PCDHB7: variants seen among roughly 807,000 people sequenced by gnomAD.
The protein encoded by PCDHB7 is protocadherin beta 7.
For synonymous variants in PCDHB7, 542 were observed against 463.1 expected (o/e 1.17, Z -2.19); for missense variants, 1,148 against 1,011.6 (o/e 1.13, Z -1.83).
At position 141,174,281 on chromosome 5, in the gene PCDHB7, C is replaced by T. The variant is rs1405990472; in HGVS notation, c.1446C>T (p.Thr482=). The stretch of plus-strand genomic sequence containing the variant: ...GCGCCACAGACAGAGACTCGGGCAC[C>T]AACGCCCAGGTCATCTACTCCCTGC... ...SVSATDRDSG[T]NAQVIYSLLP... Residue 482 remains threonine, a synonymous_variant, in exon 1 of 1, where the codon ACC becomes ACT. Transcript: ENST00000231137. The T allele has an allele frequency of 1.2e-6, 2 of 1,612,542 alleles. No homozygotes were observed. Among genetic ancestry groups the T allele is most frequent in the South Asian group, 1.1e-5 (1 of 91,010 alleles).
rs1237184811 is a variant in PCDHB7, at chr5:141,174,044, G to A, written c.1209G>A (p.Leu403=). Residue 403 remains leucine, a synonymous_variant, in exon 1 of 1, where the codon CTG becomes CTA. Transcript: ENST00000231137. ...LKPSVENFYT[L]VTEKPLDRER... is the part of the protein sequence containing the mutation. ...CATCTGTCGAAAACTTCTATACTCT[G>A]GTAACAGAGAAACCTTTGGATCGAG... 1.9e-6 allele frequency: 3 copies of A among 1,613,880 alleles called. No homozygotes were observed. Among genetic ancestry groups the A allele is most frequent in the Non-Finnish European group, 2.5e-6 (3 of 1,179,920 alleles).
Position 141,173,945 on chromosome 5 carries a change from T to C in PCDHB7, c.1110T>C (p.Ile370=). 1 of 1,613,584 alleles carries C rather than the reference T, an allele frequency of 6.2e-7. No individual in the cohort carries two copies. Among genetic ancestry groups the C allele is most frequent in the Non-Finnish European group, 8.5e-7 (1 of 1,179,612 alleles). ...AGACAGTCGTGGCTGTTTTTAGGAT[T>C]AGAGACAGAGATTCCGGGAACAATG... is the stretch of plus-strand genomic sequence containing the variant. ...SPETVVAVFR[I]RDRDSGNNGK... The change falls in exon 1 of 1, where the codon ATT becomes ATC. Residue 370 remains isoleucine (I), a synonymous_variant. Transcript: ENST00000231137.
In PCDHB7 at chr5:141,174,343, T is replaced by C; in HGVS notation, c.1508T>C (p.Leu503Pro). 2 of 1,612,916 alleles carry C rather than the reference T, an allele frequency of 1.2e-6. No homozygotes were observed. The highest frequency in any genetic ancestry group is 1.7e-6 in the Non-Finnish European group (2 of 1,179,894). ...SQDPHLPLASLVSINADNGHL... is the reference protein window; with the variant it reads ...SQDPHLPLASPVSINADNGHL... ...GACCCGCACCTGCCCCTCGCCTCCC[T>C]GGTCTCCATCAACGCGGACAACGGC... Residue 503 changes from leucine (L) to proline (P), a missense_variant, in exon 1 of 1, where the codon CTG (leucine) becomes CCG (proline). By Grantham distance (98) the Leu-to-Pro change is moderately conservative. Transcript: ENST00000231137.
rs1563917914 is a variant in PCDHB7, at chr5:141,174,490, T to A, written c.1655T>A (p.Leu552Gln). 2 of 1,611,222 alleles carry A rather than the reference T, an allele frequency of 1.2e-6. No homozygotes were observed. The highest frequency in any genetic ancestry group is 2.2e-5 in the South Asian group (2 of 90,960). ...SSEALVRVLV[L>Q]DANDNSPFVL... ...GAGGCGCTGGTGCGCGTGCTGGTGC[T>A]GGACGCCAACGACAACTCGCCCTTC... The change falls in exon 1 of 1, where the codon CTG (leucine) becomes CAG (glutamine). Residue 552 changes from leucine to glutamine, a missense_variant. Physicochemically the swap from Leu to Gln is moderately radical, Grantham distance 113. Transcript: ENST00000231137.
rs17844455 is a variant in PCDHB7 at position 141,174,336 on chromosome 5, G to T, written c.1501G>T (p.Ala501Ser). Residue 501 changes from alanine (A) to serine (S), a missense_variant, in exon 1 of 1, where the codon GCC (alanine) becomes TCC (serine). By Grantham distance (99) the Ala-to-Ser change is moderately conservative. Coordinates refer to ENST00000231137, the MANE Select transcript of PCDHB7 (RefSeq NM_018940.4). Reference protein sequence around the residue: ...LPSQDPHLPLASLVSINADNG... With the variant: ...LPSQDPHLPLSSLVSINADNG... ...GTCCCAGGACCCGCACCTGCCCCTC[G>T]CCTCCCTGGTCTCCATCAACGCGGA... is the stretch of plus-strand genomic sequence containing the variant. 6.2e-6 allele frequency: 10 copies of T among 1,612,860 alleles called. No homozygotes were observed. Among genetic ancestry groups the T allele is most frequent in the African/African-American group, 5.3e-5 (4 of 74,910 alleles).
Position 141,175,661 on chromosome 5 carries a change from T to TGAG in PCDHB7, c.*446_*448dup, listed in dbSNP as rs1473448686. The TGAG allele has an allele frequency of 5.4e-6, 1 of 185,292 alleles. No homozygotes were observed. Among genetic ancestry groups the TGAG allele is most frequent in the East Asian group, 1.8e-4 (1 of 5,576 alleles). 11.5% of individuals were successfully genotyped at this position (185,292 alleles called of 1,614,324 possible). On this transcript the variant is annotated 3_prime_UTR_variant, in exon 1 of 1. Coordinates refer to ENST00000231137, the MANE Select transcript of PCDHB7 (RefSeq NM_018940.4). Reference sequence around the variant, plus strand: ...CACTTTTAATCTGAGAAGAAGCATATGAGGCATGGTATTTTAGGAATGAAC... The same window carrying TGAG: ...CACTTTTAATCTGAGAAGAAGCATATGAGGAGGCATGGTATTTTAGGAATGAAC...
Position 141,172,657 on chromosome 5 carries a change from A to T in PCDHB7, c.-179A>T. The T allele has an allele frequency of 3.6e-6, 2 of 549,558 alleles. No individual in the cohort carries two copies. The highest frequency in any genetic ancestry group is 6.4e-6 in the Non-Finnish European group (2 of 312,338). 34.0% of individuals were successfully genotyped at this position (549,558 alleles called of 1,614,324 possible). On this transcript the variant is annotated 5_prime_UTR_variant, in exon 1 of 1. Transcript: ENST00000231137. ...GTTACAGATTCCAGAGCAAAGAGGC[A>T]ATCTGAAGAGAAAAGCATAGGAAAG...
Position 141,175,321 on chromosome 5 carries a change from T to A in PCDHB7, c.*104T>A. Reference sequence around the variant, plus strand: ...TCTTTACATCATTTCAAATATGTACTCTTGAAGTCAAGCAATAAATTTCTA... The same window carrying A: ...TCTTTACATCATTTCAAATATGTACACTTGAAGTCAAGCAATAAATTTCTA... On this transcript the variant is annotated 3_prime_UTR_variant, in exon 1 of 1. Coordinates refer to ENST00000231137, the MANE Select transcript of PCDHB7 (RefSeq NM_018940.4). 8.4e-7 allele frequency: 1 copy of A among 1,193,384 alleles called. No homozygotes were observed. Among genetic ancestry groups the A allele is most frequent in the Non-Finnish European group, 1.2e-6 (1 of 861,926 alleles). The allele number at this position is 1,193,384 out of a possible 1,614,324, so 73.9% of individuals were successfully genotyped here. A position where few individuals can be genotyped will look rare whatever the true frequency, so the allele number is the denominator to read the frequency against.
At position 141,174,149 on chromosome 5, in the gene PCDHB7, C is replaced by G. The variant is rs1258533736; in HGVS notation, c.1314C>G (p.Thr438=). 1.2e-6 allele frequency: 2 copies of G among 1,614,004 alleles called. No individual in the cohort carries two copies. The highest frequency in any genetic ancestry group is 1.3e-5 in the African/African-American group (1 of 75,054). The change falls in exon 1 of 1, where the codon ACC becomes ACG. Residue 438 remains threonine, a synonymous_variant. Transcript: ENST00000231137. ...TPRLKTEHNI[T]VLVSDVNDNA... is the part of the protein sequence containing the mutation. ...GGCTGAAAACCGAGCACAACATAAC[C>G]GTGCTGGTCTCCGACGTCAATGACA...
chr5:141,174,941 G>T lies in PCDHB7; in HGVS notation c.2106G>T (p.Ser702=), dbSNP rs782094357. The change falls in exon 1 of 1, where the codon TCG becomes TCT. Residue 702 remains serine, a synonymous_variant. Transcript: ENST00000231137. ...LASVSSLFLL[S]VLLFVAVRLC... ...CGGTGTCTTCGCTCTTCCTCCTCTC[G>T]GTGCTCCTGTTCGTGGCGGTGCGGC... 6 of 1,611,860 alleles carry T rather than the reference G, an allele frequency of 3.7e-6. No individual in the cohort carries two copies. The highest frequency in any genetic ancestry group is 5.1e-6 in the Non-Finnish European group (6 of 1,178,970).
chr5:141,174,180 C>T lies in PCDHB7; in HGVS notation c.1345C>T (p.Pro449Ser). The change falls in exon 1 of 1, where the codon CCC becomes TCC. Residue 449 changes from proline (P) to serine (S), a missense_variant. Pro to Ser is a moderately conservative substitution (Grantham distance 74). Transcript: ENST00000231137. The stretch of plus-strand genomic sequence containing the variant: ...GGTCTCCGACGTCAATGACAACGCT[C>T]CCGCCTTCACCCAAACCTCCTACAC... ...VLVSDVNDNA[P>S]AFTQTSYTLF... 1 of 1,613,612 alleles carries T rather than the reference C, an allele frequency of 6.2e-7. No individual in the cohort carries two copies. Among genetic ancestry groups the T allele is most frequent in the Non-Finnish European group, 8.5e-7 (1 of 1,180,034 alleles).
At position 141,173,876 on chromosome 5, in the gene PCDHB7, G is replaced by A. The variant is rs782119997; in HGVS notation, c.1041G>A (p.Leu347=). Residue 347 remains leucine (L), a synonymous_variant, in exon 1 of 1, where the codon CTG becomes CTA. Transcript: ENST00000231137. The part of the protein sequence containing the change: ...VTDINDNRPE[L]LLSSLTSPIA... ...ATATAAACGATAATCGACCCGAGCTGCTCCTGTCTTCACTTACTAGCCCAA... is the reference window on the plus strand; with the variant it reads ...ATATAAACGATAATCGACCCGAGCTACTCCTGTCTTCACTTACTAGCCCAA... 4 of 1,613,540 alleles carry A rather than the reference G, an allele frequency of 2.5e-6. No homozygotes were observed. The highest frequency in any genetic ancestry group is 2.7e-5 in the African/African-American group (2 of 74,890).
In PCDHB7 at chr5:141,174,734, C is replaced by G. The variant is rs782658040; in HGVS notation, c.1899C>G (p.Arg633=). ...GTACCGCCAGGCTGCTGAGCGAGCG[C>G]GACGCAGCCAAGCAGAGGCTGGTGG... is the stretch of plus-strand genomic sequence containing the variant. The part of the protein sequence containing the change: ...EVRTARLLSE[R]DAAKQRLVVL... Residue 633 remains arginine (R), a synonymous_variant, in exon 1 of 1, where the codon CGC becomes CGG. Transcript: ENST00000231137. The G allele has an allele frequency of 2.5e-6, 4 of 1,611,078 alleles. No homozygotes were observed. Among genetic ancestry groups the G allele is most frequent in the Admixed American group, 1.7e-5 (1 of 59,992 alleles).
At position 141,175,080 on chromosome 5, in the gene PCDHB7, T is replaced by C; in HGVS notation, c.2245T>C (p.Tyr749His). Residue 749 changes from tyrosine to histidine, a missense_variant, in exon 1 of 1, where the codon TAT becomes CAT. Tyr to His is a moderately conservative substitution (Grantham distance 83). Transcript: ENST00000231137. ...GTGTLSQSYQ[Y>H]EVCLTGGSGT... is the part of the protein sequence containing the mutation. ...CGGGACCCTATCCCAGAGCTACCAG[T>C]ATGAGGTGTGCCTGACTGGAGGCTC... 1 of 1,614,134 alleles carries C rather than the reference T, an allele frequency of 6.2e-7. No homozygotes were observed. The highest frequency in any genetic ancestry group is 2.2e-5 in the East Asian group (1 of 44,874).
rs782395805 is a variant in PCDHB7, at chr5:141,175,158, C to T, written c.2323C>T (p.Gln775Ter). ...ACCAATTATCCCCAACCTGCTACCC[C>T]AGAGCACAGGCAGGGAAGTGGAAGA... ...LKPIIPNLLP[Q>*]STGREVEENR... Residue 775 changes from glutamine to a stop codon, truncating the protein, a stop_gained, in exon 1 of 1, where the codon CAG becomes TAG. Transcript: ENST00000231137. LOFTEE classifies it low-confidence loss of function (END_TRUNC). 21 of 1,613,934 alleles carry T rather than the reference C, an allele frequency of 1.3e-5. No homozygotes were observed. Among genetic ancestry groups the T allele is most frequent in the African/African-American group, 1.3e-5 (1 of 74,930 alleles).
Position 141,172,982 on chromosome 5 carries a change from A to T in PCDHB7, c.147A>T (p.Ala49=). ...GAGGCACCTTTCTTACCAACTTGGC[A>T]AAAGACCTAGGGTTAGGGGTAGGGG... ...TERGTFLTNL[A]KDLGLGVGEL... The change falls in exon 1 of 1, where the codon GCA becomes GCT. Residue 49 remains alanine, a synonymous_variant. Transcript: ENST00000231137. The T allele has an allele frequency of 6.2e-7, 1 of 1,614,160 alleles. No individual in the cohort carries two copies.
In PCDHB7 at chr5:141,173,571, C is replaced by T. The variant is rs1753270696; in HGVS notation, c.736C>T (p.Leu246Phe). ...NDNAPDFVRS[L>F]YKVQVPENSP... ...CAACGCCCCTGATTTTGTGCGGTCG[C>T]TCTACAAGGTGCAGGTGCCCGAAAA... is the stretch of plus-strand genomic sequence containing the variant. Residue 246 changes from leucine to phenylalanine, a missense_variant, in exon 1 of 1, where the codon CTC (leucine) becomes TTC (phenylalanine). By Grantham distance (22) the Leu-to-Phe change is conservative (BLOSUM62 0). Coordinates refer to ENST00000231137, the MANE Select transcript of PCDHB7 (RefSeq NM_018940.4). The T allele has an allele frequency of 1.2e-6, 2 of 1,613,906 alleles. No homozygotes were observed. Among genetic ancestry groups the T allele is most frequent in the Non-Finnish European group, 1.7e-6 (2 of 1,179,942 alleles).
chr5:141,174,884 G>C lies in PCDHB7; in HGVS notation c.2049G>C (p.Ser683=), dbSNP rs199927796. Reference sequence around the variant, plus strand: ...AGGCGGCCCCGGACCAGGCCAACTCGCTCACCGTCTACCTGGTGGTGGCGT... The same window carrying C: ...AGGCGGCCCCGGACCAGGCCAACTCCCTCACCGTCTACCTGGTGGTGGCGT... ...LPEAAPDQAN[S]LTVYLVVALA... Residue 683 remains serine (S), a synonymous_variant, in exon 1 of 1, where the codon TCG becomes TCC. Coordinates refer to ENST00000231137, the MANE Select transcript of PCDHB7 (RefSeq NM_018940.4). 2 of 1,611,122 alleles carry C rather than the reference G, an allele frequency of 1.2e-6. No individual in the cohort carries two copies. The highest frequency in any genetic ancestry group is 1.7e-6 in the Non-Finnish European group (2 of 1,178,642).
In PCDHB7 at chr5:141,175,314, T is replaced by A; in HGVS notation, c.*97T>A. The stretch of plus-strand genomic sequence containing the variant: ...GGGAGTGTCTTTACATCATTTCAAA[T>A]ATGTACTCTTGAAGTCAAGCAATAA... On this transcript the variant is annotated 3_prime_UTR_variant, in exon 1 of 1. Transcript: ENST00000231137. 1 of 1,229,648 alleles carries A rather than the reference T, an allele frequency of 8.1e-7. No individual in the cohort carries two copies. The highest frequency in any genetic ancestry group is 1.1e-6 in the Non-Finnish European group (1 of 890,924). 76.2% of individuals were successfully genotyped at this position (1,229,648 alleles called of 1,614,324 possible). A position where few individuals can be genotyped will look rare whatever the true frequency, so the allele number is the denominator to read the frequency against.
Sources: gnomAD v4.1 joint callset for allele counts on GRCh38, gnomAD v4.1.1 for gene constraint, MANE v1.5 for transcripts, NCBI Gene and HGNC (gene_info 2026-07-23, HGNC 2026-07-21) for gene names.